The following CREB5 variants were observed in gnomAD, a reference collection of about 807,000 sequenced individuals.
CREB5 encodes cAMP responsive element binding protein 5.
CREB5 carries 19 observed loss-of-function variants against 57.1 expected under a neutral mutation model. The ratio of observed to expected loss-of-function variants is 0.33; its 90% CI spans 0.23 to 0.49. The LOEUF (loss-of-function observed/expected upper bound fraction) is 0.49. CREB5 is among the 20% of genes least tolerant of loss of function. The pLI is 0.99. For synonymous variants in CREB5, 238 were observed against 238.3 expected (o/e 1.00, Z 0.01); for missense variants, 579 against 671.6 (o/e 0.86, Z 1.52).
chr7:28,701,323 C>A (rs1371483204), intron 5 of CREB5, among the ~76,000 whole-genome samples: 1 of 152,156 alleles, frequency 6.6e-6, no homozygotes, highest in Non-Finnish European at 1.5e-5. Context: ...CCCCCAAAAT[C>A]CCTCTTATTT....
At chr7:28,737,557 A>ACG (rs1804074858) in intron 7 of CREB5, among the ~76,000 whole-genome samples, 2 of 80,744 alleles carry the variant, frequency 2.5e-5, no homozygotes, top group Non-Finnish European at 5.1e-5. Context: ...ATATATATAT[A>ACG]TATATATATA....
At chr7:28,383,383 G>A (rs1194226638) in intron 1 of CREB5, among the ~76,000 whole-genome samples, 1 of 152,208 alleles carries the variant, frequency 6.6e-6, no homozygotes, top group Non-Finnish European at 1.5e-5. Flanking sequence ...TTGTTGTAAA[G>A]AAATAGCTGG....
intron 4 of CREB5, among the ~76,000 whole-genome samples, chr7:28,530,015 A>G (rs1353587218): frequency 1.3e-5 from 2 of 152,208 alleles, no homozygotes. Context: ...AATTTTCCTG[A>G]TAAGAAATGA....
intron 1 of CREB5, among the ~76,000 whole-genome samples, chr7:28,334,648 T>C (rs1015324834): frequency 6.6e-6 from 1 of 152,232 alleles, no homozygotes; most frequent in Non-Finnish European, 1.5e-5. Context: ...TTCTGTGGGT[T>C]GTCTCTTCAC....
chr7:28,522,117 A>G (rs991912425), intron 4 of CREB5, among the ~76,000 whole-genome samples: 3 of 152,156 alleles, frequency 2.0e-5, no homozygotes, highest in African/African-American at 7.2e-5. Context: ...CATTTTACAC[A>G]ATGAGAAGTT....
intron 7 of CREB5, among the ~76,000 whole-genome samples, chr7:28,738,856 G>A (rs555058988): frequency 3.9e-4 from 59 of 152,256 alleles, no homozygotes; most frequent in African/African-American, 1.4e-3. Flanking sequence ...AATGTCTCTA[G>A]CCGTCCACTG....
chr7:28,435,687 G>A (rs548168776), intron 1 of CREB5: 4 of 984,658 alleles, frequency 4.1e-6, no homozygotes, highest in Non-Finnish European at 4.8e-6. Flanking sequence ...TTTATTTTCA[G>A]GGTAAGTGGT....
chr7:28,451,151 G>A (rs894811503), intron 1 of CREB5, among the ~76,000 whole-genome samples: 1 of 152,170 alleles, frequency 6.6e-6, no homozygotes, highest in Non-Finnish European at 1.5e-5. Flanking sequence ...TGCGCAAAGG[G>A]AAGTAGAAGT....
At chr7:28,338,678 T>C (rs1785874791) in intron 1 of CREB5, among the ~76,000 whole-genome samples, 1 of 152,146 alleles carries the variant, frequency 6.6e-6, no homozygotes, top group Admixed American at 6.6e-5. Context: ...GTTTAGGAAG[T>C]TCTCTGTTAT....
chr7:28,422,715 G>A (rs1417340537), intron 1 of CREB5, among the ~76,000 whole-genome samples: 1 of 152,142 alleles, frequency 6.6e-6, no homozygotes, highest in Non-Finnish European at 1.5e-5. Context: ...TACATTACAT[G>A]TATTAAGCTG....
chr7:28,345,578 G>T (rs920901939), intron 1 of CREB5, among the ~76,000 whole-genome samples: 3 of 152,166 alleles, frequency 2.0e-5, no homozygotes, highest in African/African-American at 7.2e-5. Flanking sequence ...TACTGAGGCA[G>T]GGAGTGTGTC....
rs1408371454 is a variant in CREB5 at position 28,412,561 on chromosome 7, A to G, written c.-354A>G. On this transcript the variant is annotated 5_prime_UTR_variant, in exon 1 of 11. Transcript: ENST00000357727. ...CAAAGTTGATTCTGTGTAGGGTTGGAGGCTAGACAGTTCCACAAATTTTTA... is the reference window on the plus strand; with the variant it reads ...CAAAGTTGATTCTGTGTAGGGTTGGGGGCTAGACAGTTCCACAAATTTTTA... 2 of 203,968 alleles carry G rather than the reference A, an allele frequency of 9.8e-6. No homozygotes were observed. The highest frequency in any genetic ancestry group is 2.3e-5 in the African/African-American group (1 of 43,674). 12.6% of individuals were successfully genotyped at this position (203,968 alleles called of 1,614,324 possible). A position where few individuals can be genotyped will look rare whatever the true frequency, so the allele number is the denominator to read the frequency against.
intron 1 of CREB5, among the ~76,000 whole-genome samples, chr7:28,416,763 G>A (rs1056624902): frequency 2.6e-5 from 4 of 152,290 alleles, no homozygotes; most frequent in African/African-American, 9.6e-5. Context: ...ATGACAAAAT[G>A]TTCTCTTTGT....
chr7:28,560,951 C>CGTGCGTGTGTGT (rs1795208911), intron 4 of CREB5, among the ~76,000 whole-genome samples: 1 of 38,950 alleles, frequency 2.6e-5, no homozygotes, highest in Non-Finnish European at 5.2e-5. Flanking sequence ...CGTGTGTGTG[C>CGTGCGTGTGTGT]GTGTGTGTGC....
At chr7:28,745,588 G>A (rs1158867532) in intron 7 of CREB5, among the ~76,000 whole-genome samples, 1 of 152,198 alleles carries the variant, frequency 6.6e-6, no homozygotes, top group Non-Finnish European at 1.5e-5. Context: ...AGGCGCAGAT[G>A]CACCTCATCT....
chr7:28,758,616 C>T (rs1417654866), intron 7 of CREB5, among the ~76,000 whole-genome samples: 1 of 152,178 alleles, frequency 6.6e-6, no homozygotes, highest in Non-Finnish European at 1.5e-5. Context: ...TGAAATCCCC[C>T]AGCCACTTAG....
intron 1 of CREB5, among the ~76,000 whole-genome samples, chr7:28,347,285 CA>C (rs1786079995): frequency 6.6e-6 from 1 of 152,168 alleles, no homozygotes; most frequent in African/African-American, 2.4e-5. Context: ...TTTTACATTA[CA>C]AAACCAGAGC....
intron 5 of CREB5, among the ~76,000 whole-genome samples, chr7:28,675,903 G>A (rs1800299125): frequency 6.6e-6 from 1 of 152,160 alleles, no homozygotes; most frequent in South Asian, 2.1e-4. Context: ...GAAAGGGCGA[G>A]TTACAGGCAT....
intron 5 of CREB5, among the ~76,000 whole-genome samples, chr7:28,718,469 C>T (rs571005928): frequency 2.0e-5 from 3 of 152,220 alleles, no homozygotes; most frequent in Middle Eastern, 3.4e-3. Context: ...TCCTAAGATG[C>T]GAGCGTTTAG....
Sources: gnomAD v4.1 joint callset for allele counts (sites outside exome capture counted in the v4.1 genomes callset) on GRCh38, gnomAD v4.1.1 for gene constraint, MANE v1.5 for transcripts, NCBI Gene and HGNC (gene_info 2026-07-23, HGNC 2026-07-21) for gene names.